The following STAMBP variants were observed in gnomAD, a reference collection of about 807,000 sequenced individuals.
The protein encoded by STAMBP is STAM binding protein, also known as STAM-binding protein.
Under a neutral mutation model 50.7 loss-of-function variants are expected in STAMBP, and 31 were observed. The ratio of observed to expected loss-of-function variants is 0.61; its 90% CI spans 0.46 to 0.83. The LOEUF is 0.83. Among genes scored for constraint, STAMBP ranks in the 40% least tolerant of loss-of-function variants. The pLI is 0.00. For synonymous variants in STAMBP, 211 were observed against 192.4 expected (o/e 1.10, Z -0.80); for missense variants, 472 against 518.9 (o/e 0.91, Z 0.88).
intron 2 of STAMBP, among the ~76,000 whole-genome samples, chr2:73,835,353 CAA>C (rs71406834): frequency 2.5e-4 from 22 of 87,362 alleles, no homozygotes; most frequent in Admixed American, 2.4e-4. Context: ...GACTCGGTCT[CAA>C]AAAAAAAAAA....
At chr2:73,841,299 A>C (rs1462537771) in intron 2 of STAMBP, among the ~76,000 whole-genome samples, 2 of 152,172 alleles carry the variant, frequency 1.3e-5, no homozygotes, top group Non-Finnish European at 1.5e-5. Flanking sequence ...AGTAAAGAAA[A>C]AACTCCCAAA....
Position 73,865,305 on chromosome 2 carries a change from T to A in STAMBP, c.*3046T>A, listed in dbSNP as rs1171635351. The A allele has an allele frequency of 6.6e-6, 1 of 152,240 alleles. No homozygotes were observed. Among genetic ancestry groups the A allele is most frequent in the Non-Finnish European group, 1.5e-5 (1 of 68,050 alleles). The allele number at this position is 152,240 out of a possible 1,614,324, so 9.4% of individuals were successfully genotyped here. A position where few individuals can be genotyped will look rare whatever the true frequency, so the allele number is the denominator to read the frequency against. On this transcript the variant is annotated 3_prime_UTR_variant, in exon 10 of 10. Transcript: ENST00000394070. ...CACAGTTTTAGGACCAGAGTAGATG[T>A]TGTTCCCTAGAAAATAGAGTCAGCT...
chr2:73,860,137 C>T lies in STAMBP; in HGVS notation c.1204C>T (p.Pro402Ser). The change falls in exon 9 of 10, where the codon CCA becomes TCA. Residue 402 changes from proline to serine, a missense_variant. Transcript: ENST00000394070. ...AGGATTTCATCCACACAGCAAGGAT[C>T]CACCTCTGTTCTGTGTACGTATCTA... ...QKGFHPHSKD[P>S]PLFCSCSHVT... 1 of 1,613,642 alleles carries T rather than the reference C, an allele frequency of 6.2e-7. No homozygotes were observed. Among genetic ancestry groups the T allele is most frequent in the Non-Finnish European group, 8.5e-7 (1 of 1,179,736 alleles).
intron 2 of STAMBP, among the ~76,000 whole-genome samples, chr2:73,842,355 G>T (rs985889535): frequency 5.3e-5 from 8 of 152,282 alleles, no homozygotes; most frequent in African/African-American, 1.9e-4. Flanking sequence ...AGGTGAACTG[G>T]CATGTCTGAA....
At chr2:73,847,846 A>G (rs755136396) in intron 5 of STAMBP, 93 bp downstream of exon 5, 9 of 1,473,560 alleles carry the variant, frequency 6.1e-6, no homozygotes, top group Non-Finnish European at 8.2e-6. Flanking sequence ...CCCTGATCCC[A>G]CTCATTAAGC....
chr2:73,848,997 G>A (rs1168062737), intron 5 of STAMBP, among the ~76,000 whole-genome samples: 2 of 152,128 alleles, frequency 1.3e-5, no homozygotes, highest in African/African-American at 2.4e-5. Flanking sequence ...GCACATCATG[G>A]AGAATAGGGT....
chr2:73,873,188 C>T (rs1679266402), intron 10 of STAMBP, among the ~76,000 whole-genome samples: 1 of 152,196 alleles, frequency 6.6e-6, no homozygotes. Flanking sequence ...TTAAACAACT[C>T]TGGGTTGTTT....
intron 5 of STAMBP, among the ~76,000 whole-genome samples, chr2:73,848,969 G>T (rs1345943098): frequency 6.6e-6 from 1 of 152,046 alleles, no homozygotes; most frequent in African/African-American, 2.4e-5. Context: ...TTTGATACAG[G>T]CATGCAATAT....
intron 4 of STAMBP, 77 bp from the exon 5 acceptor site, chr2:73,847,310 T>C (rs1676238037): frequency 6.6e-7 from 1 of 1,510,902 alleles, no homozygotes; most frequent in Non-Finnish European, 8.9e-7. Flanking sequence ...GAAATCTCCA[T>C]GCTAAAAAGC....
At chr2:73,831,630 A>G (rs2104105584) in intron 2 of STAMBP, among the ~76,000 whole-genome samples, 1 of 152,282 alleles carries the variant, frequency 6.6e-6, no homozygotes, top group East Asian at 1.9e-4. Context: ...TTAACAGCAA[A>G]CAACTTCTAA....
chr2:73,861,286 A>C (rs1411497357), intron 9 of STAMBP, among the ~76,000 whole-genome samples: 1 of 152,200 alleles, frequency 6.6e-6, no homozygotes, highest in African/African-American at 2.4e-5. Flanking sequence ...TTTAGGGATG[A>C]CACTATTTGT....
At chr2:73,868,621 C>T (rs1241533117), downstream of STAMBP, among the ~76,000 whole-genome samples, 2 of 152,122 alleles carry the variant, frequency 1.3e-5, no homozygotes, top group African/African-American at 2.4e-5. Flanking sequence ...CAGTGGCATA[C>T]ATCTGTGATC....
rs1485977628 is a variant in STAMBP at position 73,862,280 on chromosome 2, C to A, written c.*21C>A. The stretch of plus-strand genomic sequence containing the variant: ...GATGAGCGTTTGAGTCCAACACCTT[C>A]CAAGAACAACAAAACCATATCAGTG... On this transcript the variant is annotated 3_prime_UTR_variant, in exon 10 of 10. Coordinates refer to ENST00000394070, the MANE Select transcript of STAMBP (RefSeq NM_213622.4). 6.2e-7 allele frequency: 1 copy of A among 1,604,120 alleles called. No homozygotes were observed. The highest frequency in any genetic ancestry group is 2.2e-5 in the East Asian group (1 of 44,658).
In STAMBP at chr2:73,829,499, C is replaced by T. The variant is rs1009023514; in HGVS notation, c.-24C>T. ...GGTTCCTTTCTTAACCCACAAGAAC[C>T]TCTCCCAAGAGGTACTGAGATGCAA... On this transcript the variant is annotated 5_prime_UTR_variant, in exon 1 of 10. Coordinates refer to ENST00000394070, the MANE Select transcript of STAMBP (RefSeq NM_213622.4). The T allele has an allele frequency of 1.3e-5, 2 of 152,216 alleles. No homozygotes were observed. The highest frequency in any genetic ancestry group is 6.5e-5 in the Admixed American group (1 of 15,282). 9.4% of individuals were successfully genotyped at this position (152,216 alleles called of 1,614,324 possible). A position where few individuals can be genotyped will look rare whatever the true frequency, so the allele number is the denominator to read the frequency against.
At chr2:73,838,410 G>A (rs955544959) in intron 2 of STAMBP, among the ~76,000 whole-genome samples, 2 of 152,196 alleles carry the variant, frequency 1.3e-5, no homozygotes, top group African/African-American at 4.8e-5. Context: ...GATGGGAAGG[G>A]AAGTAGAAAA....
intron 9 of STAMBP, chr2:73,860,650 A>G: frequency 1.4e-6 from 1 of 703,674 alleles, no homozygotes; most frequent in Non-Finnish European, 1.7e-6. Context: ...ACCTTCCTAC[A>G]AAGTTCTTTT....
downstream of STAMBP, among the ~76,000 whole-genome samples, chr2:73,868,759 A>G (rs1367723056): frequency 6.6e-6 from 1 of 151,884 alleles, no homozygotes; most frequent in Non-Finnish European, 1.5e-5. Context: ...CTGTGGTCCT[A>G]GCTACCCAGT....
intron 2 of STAMBP, among the ~76,000 whole-genome samples, chr2:73,835,750 A>G (rs1171144709): frequency 1.3e-5 from 2 of 152,188 alleles, no homozygotes; most frequent in African/African-American, 4.8e-5. Context: ...TTGAGATGGG[A>G]AAAGCCCTCT....
intron 2 of STAMBP, among the ~76,000 whole-genome samples, chr2:73,842,139 T>G (rs1378295540): frequency 1.3e-5 from 2 of 152,230 alleles, no homozygotes; most frequent in Non-Finnish European, 2.9e-5. Flanking sequence ...CAAAGCAAAG[T>G]AAATAAATAC....
Sources: allele counts gnomAD v4.1 joint callset (sites outside exome capture counted in the v4.1 genomes callset), GRCh38; gene constraint gnomAD v4.1.1; transcripts MANE v1.5; gene names NCBI Gene and HGNC (gene_info 2026-07-23, HGNC 2026-07-21).